FRAS1: variants seen among roughly 807,000 people sequenced by gnomAD.
FRAS1 encodes Fraser extracellular matrix complex subunit 1.
In FRAS1, 290 loss-of-function variants were observed where a neutral mutation model predicts 435.2. The ratio of observed to expected loss-of-function variants is 0.67; its 90% confidence interval spans 0.61 to 0.73. The LOEUF (loss-of-function observed/expected upper bound fraction) is 0.73, where lower values mean the gene tolerates loss of function less well. Among genes scored for constraint, FRAS1 ranks in the 30% least tolerant of loss-of-function variants. The pLI is 0.00. For missense variants in FRAS1, 4,860 were observed against 5,001.5 expected (o/e 0.97, Z 0.85); for synonymous variants, 1,800 against 1,851.0 (o/e 0.97, Z 0.71).
At chr4:78,466,134 C>A (rs1456901507) in intron 49 of FRAS1, 74 bp from the exon 50 acceptor site, 1 of 1,209,632 alleles carries the variant, frequency 8.3e-7, no homozygotes, top group Non-Finnish European at 1.2e-6. Context: ...CCTTGATCAG[C>A]AATTGGGCAT....
chr4:78,207,122 G>A (rs889935394), intron 2 of FRAS1, among the ~76,000 whole-genome samples: 3 of 152,172 alleles, frequency 2.0e-5, no homozygotes, highest in Non-Finnish European at 4.4e-5. Context: ...ATTGAGAAAT[G>A]GAAGGACTTT....
At chr4:78,327,884 G>T (rs1379353409) in intron 18 of FRAS1, among the ~76,000 whole-genome samples, 2 of 151,986 alleles carry the variant, frequency 1.3e-5, no homozygotes, top group African/African-American at 2.4e-5. Flanking sequence ...TTTTTTAAAG[G>T]ATGCAGATGT....
rs779431044 is a variant in FRAS1, at chr4:78,472,183, A to G, written c.7375A>G (p.Thr2459Ala). 7.4e-6 allele frequency: 12 copies of G among 1,613,790 alleles called. No homozygotes were observed. The African/African-American group carries it at 1.6e-4, about 22-fold the overall frequency. The change falls in exon 52 of 74, where the codon ACC becomes GCC. Residue 2459 changes from threonine to alanine, a missense_variant. Coordinates refer to ENST00000512123, the MANE Select transcript of FRAS1 (RefSeq NM_025074.7). ...ATTAAATGGGTTTCTATTCTAGGCA[A>G]CCAACCTGATCACCAAGAAGGAACT... The part of the protein sequence containing the change: ...QWLEYMDGKA[T>A]NLITKKELLT...
intron 44 of FRAS1, 141 bp downstream of exon 44, chr4:78,448,457 G>A: frequency 1.3e-6 from 1 of 748,498 alleles, no homozygotes; most frequent in Non-Finnish European, 2.0e-6. Flanking sequence ...TTGGAGTCTT[G>A]GAAAACTATT....
chr4:78,493,786 C>T (rs146258801), intron 59 of FRAS1, among the ~76,000 whole-genome samples: 1,739 of 152,098 alleles, frequency 0.011, 30 homozygotes, highest in African/African-American at 0.04. Flanking sequence ...GCACATGTAT[C>T]CCAGAACTTA....
At chr4:78,117,046 C>T (rs1021771791) in intron 2 of FRAS1, among the ~76,000 whole-genome samples, 1 of 152,162 alleles carries the variant, frequency 6.6e-6, no homozygotes, top group African/African-American at 2.4e-5. Context: ...AATCTCTCAG[C>T]ATTTGTTTGT....
intron 41 of FRAS1, among the ~76,000 whole-genome samples, chr4:78,443,824 AT>A (rs1322665529): frequency 1.3e-5 from 2 of 152,158 alleles, no homozygotes; most frequent in Non-Finnish European, 2.9e-5. Flanking sequence ...ATTTGTGTAT[AT>A]TTTTAGGCAT....
At chr4:78,150,153 G>A (rs745955273) in intron 2 of FRAS1, among the ~76,000 whole-genome samples, 6 of 152,226 alleles carry the variant, frequency 3.9e-5, no homozygotes, top group African/African-American at 9.6e-5. Context: ...TCAGGCAGGA[G>A]GAAGGCCCCA....
Position 78,315,734 on chromosome 4 carries a change from G to C in FRAS1, c.1819G>C (p.Val607Leu), listed in dbSNP as rs746001732. 1.9e-6 allele frequency: 3 copies of C among 1,613,910 alleles called. No individual in the cohort carries two copies. In the Admixed American group the frequency reaches 5.0e-5, roughly 27 times the overall value. The stretch of plus-strand genomic sequence containing the variant: ...TGCTGATGCCACTGGCAGGTGCAAA[G>C]GTAAGAGATGGGTCACCATCATCAT... ...YYADATGRCK[V>L]CHNSCASCSG... The change falls in exon 16 of 74, where the codon GTT becomes CTT. Residue 607 changes from valine to leucine, a missense_variant and splice_region_variant. Transcript: ENST00000512123.
At chr4:78,366,540 G>C (rs914493778) in intron 22 of FRAS1, among the ~76,000 whole-genome samples, 2 of 152,200 alleles carry the variant, frequency 1.3e-5, no homozygotes, top group Admixed American at 6.5e-5. Context: ...ATGGAGTATT[G>C]AAGTAGGAGT....
chr4:78,245,142 A>C (rs1224273259), intron 3 of FRAS1, 91 bp from the exon 4 acceptor site: 1 of 842,136 alleles, frequency 1.2e-6, no homozygotes, highest in Non-Finnish European at 2.0e-6. Context: ...CATGAGATTT[A>C]GTGAATGTAA....
chr4:78,454,173 T>TAA (rs35377781), intron 47 of FRAS1, among the ~76,000 whole-genome samples: 4 of 129,406 alleles, frequency 3.1e-5, no homozygotes, highest in African/African-American at 2.7e-5. Context: ...CGCTGATACA[T>TAA]AAAAAAAAAA....
At chr4:78,278,794 A>G (rs1371705238) in intron 10 of FRAS1, 50 bp downstream of exon 10, 2 of 1,083,996 alleles carry the variant, frequency 1.8e-6, no homozygotes, top group Admixed American at 1.9e-5. Flanking sequence ...ATTCAAAATT[A>G]ATCTAATGAG....
At chr4:78,380,759 G>A (rs867218918) in intron 27 of FRAS1, among the ~76,000 whole-genome samples, 1 of 152,182 alleles carries the variant, frequency 6.6e-6, no homozygotes, top group Non-Finnish European at 1.5e-5. Context: ...ACAGTGACAA[G>A]GACACAGTGA....
chr4:78,432,337 A>G lies in FRAS1; in HGVS notation c.4970-20A>G, dbSNP rs753184225. 1.1e-5 allele frequency: 18 copies of G among 1,573,408 alleles called. No homozygotes were observed. In the Admixed American group the frequency reaches 2.2e-4, roughly 19 times the overall value. Reference sequence around the variant, plus strand: ...TATTCCCAGAAGCAACTCGTTTGCAATTTGTTTTATTCTTGGAAGGTGACA... The same window carrying G: ...TATTCCCAGAAGCAACTCGTTTGCAGTTTGTTTTATTCTTGGAAGGTGACA... On this transcript the variant is annotated intron_variant, in intron 37 of 73. Coordinates refer to ENST00000512123, the MANE Select transcript of FRAS1 (RefSeq NM_025074.7).
rs1397453762 is a variant in FRAS1 at position 78,323,183 on chromosome 4, A to G, written c.2137+4197A>G. On this transcript the variant is annotated intron_variant, in intron 18 of 73. Coordinates refer to ENST00000512123, the MANE Select transcript of FRAS1 (RefSeq NM_025074.7). Reference sequence around the variant, plus strand: ...CATGTTTCTTTTTCACAAGGCCTCTATGTTTCCAAAGTGTGGCTAGAATTG... The same window carrying G: ...CATGTTTCTTTTTCACAAGGCCTCTGTGTTTCCAAAGTGTGGCTAGAATTG... Among the ~76,000 whole-genome samples, 4 of 152,352 alleles carry G rather than the reference A, an allele frequency of 2.6e-5. No individual in the cohort carries two copies. In the South Asian group the frequency reaches 8.3e-4, roughly 32 times the overall value.
chr4:78,287,759 G>A (rs1727679838), intron 14 of FRAS1, among the ~76,000 whole-genome samples: 1 of 152,196 alleles, frequency 6.6e-6, no homozygotes, highest in South Asian at 2.1e-4. Flanking sequence ...GAGGCTGATG[G>A]TCGTCTCCAT....
chr4:78,264,295 G>C (rs1009657731), intron 6 of FRAS1, among the ~76,000 whole-genome samples: 1 of 152,182 alleles, frequency 6.6e-6, no homozygotes, highest in Non-Finnish European at 1.5e-5. Flanking sequence ...TGGCAGAGGT[G>C]AGAATGTAGG....
chr4:78,435,830 T>C (rs1409239198), intron 38 of FRAS1, among the ~76,000 whole-genome samples: 8 of 152,032 alleles, frequency 5.3e-5, no homozygotes, highest in African/African-American at 1.7e-4. Flanking sequence ...AATGATTATA[T>C]GTATGACAAA....
Sources: allele counts gnomAD v4.1 joint callset (sites outside exome capture counted in the v4.1 genomes callset), GRCh38; gene constraint gnomAD v4.1.1; transcripts MANE v1.5; gene names NCBI Gene and HGNC (gene_info 2026-07-23, HGNC 2026-07-21).